CDC73: variants seen among roughly 807,000 people sequenced by gnomAD.
CDC73 encodes the protein cell division cycle 73.
A neutral mutation model predicts 83.7 loss-of-function variants in CDC73; 21 were observed. The observed-to-expected ratio is 0.25, with a 90% CI of 0.18 to 0.36. CDC73 has a LOEUF of 0.36. CDC73 is among the 10% of genes least tolerant of loss of function. The probability of loss-of-function intolerance (pLI) is 1.00; values close to 1 mark genes in which losing one functional copy is unlikely to be tolerated. For synonymous variants in CDC73, 224 were observed against 212.9 expected (o/e 1.05, Z -0.45); for missense variants, 342 against 653.3 (o/e 0.52, Z 5.19).
chr1:193,206,861 T>C (rs1399239046), intron 11 of CDC73, among the ~76,000 whole-genome samples: 2 of 152,206 alleles, frequency 1.3e-5, no homozygotes, highest in Admixed American at 1.3e-4. Context: ...AATTTAATGT[T>C]TTAAAGTGTT....
chr1:193,158,080 AATTT>A (rs1235469110), intron 10 of CDC73, among the ~76,000 whole-genome samples: 4 of 151,176 alleles, frequency 2.6e-5, no homozygotes, highest in East Asian at 1.9e-4. Context: ...TTGTACTTAT[AATTT>A]ATTATATTTA....
chr1:193,134,698 A>G (rs539227929), intron 3 of CDC73, among the ~76,000 whole-genome samples: 9 of 152,268 alleles, frequency 5.9e-5, no homozygotes, highest in Admixed American at 2.0e-4. Context: ...TGCTCTACTT[A>G]CTGATATGGA....
chr1:193,190,659 T>C (rs894034083), intron 10 of CDC73, among the ~76,000 whole-genome samples: 1 of 152,218 alleles, frequency 6.6e-6, no homozygotes, highest in East Asian at 1.9e-4. Flanking sequence ...AATTTAAGTG[T>C]CTCTTTCAGA....
At chr1:193,180,646 T>C (rs1411218127) in intron 10 of CDC73, 2 of 1,614,120 alleles carry the variant, frequency 1.2e-6, no homozygotes. Flanking sequence ...AGGATAACGC[T>C]CACTTGGGTA....
At chr1:193,203,888 A>G (rs1677134274) in intron 11 of CDC73, 36 bp downstream of exon 11, 1 of 1,577,018 alleles carries the variant, frequency 6.3e-7, no homozygotes, top group Non-Finnish European at 8.7e-7. Flanking sequence ...GTTTTCTTTC[A>G]AAAGATCGTA....
At chr1:193,211,561 G>A (rs886560584) in intron 11 of CDC73, among the ~76,000 whole-genome samples, 15 of 152,220 alleles carry the variant, frequency 9.9e-5, no homozygotes, top group Middle Eastern at 3.4e-3. Context: ...CTTACACTTT[G>A]AGGCCATTCG....
intron 10 of CDC73, among the ~76,000 whole-genome samples, chr1:193,164,126 A>G (rs1676391876): frequency 6.6e-6 from 1 of 152,204 alleles, no homozygotes; most frequent in African/African-American, 2.4e-5. Flanking sequence ...GCAGTATTAC[A>G]TTTACATTTT....
chr1:193,233,119 A>G lies in CDC73; in HGVS notation c.1281A>G (p.Val427=), dbSNP rs2102058424. ...TAISVTVPYR[V]VDQPLKLMPQ... ...TTAGTGTTACAGTACCTTATAGAGTAGTAGACCAGCCCCTTAAACTTATGC... is the reference window on the plus strand; with the variant it reads ...TTAGTGTTACAGTACCTTATAGAGTGGTAGACCAGCCCCTTAAACTTATGC... Residue 427 remains valine, a synonymous_variant, in exon 14 of 17, where the codon GTA becomes GTG. Coordinates refer to ENST00000367435, the MANE Select transcript of CDC73 (RefSeq NM_024529.5). The G allele has an allele frequency of 6.2e-7, 1 of 1,613,560 alleles. No individual in the cohort carries two copies. The highest frequency in any genetic ancestry group is 8.5e-7 in the Non-Finnish European group (1 of 1,179,496).
intron 10 of CDC73, among the ~76,000 whole-genome samples, chr1:193,174,869 G>T (rs1339480837): frequency 6.6e-6 from 1 of 152,064 alleles, no homozygotes; most frequent in East Asian, 1.9e-4. Context: ...GAGAAAACTT[G>T]ATTTGATACT....
intron 15 of CDC73, among the ~76,000 whole-genome samples, chr1:193,239,948 A>G (rs986800132): frequency 2.0e-5 from 3 of 152,150 alleles, no homozygotes; most frequent in East Asian, 1.9e-4. Context: ...TATTTCTTCT[A>G]CCTGTATGTT....
At chr1:193,137,235 AAATATTTTTGC>A (rs1285392215) in intron 5 of CDC73, among the ~76,000 whole-genome samples, 1 of 152,210 alleles carries the variant, frequency 6.6e-6, no homozygotes. Context: ...GCATTTGCCA[AAATATTTTTGC>A]ATTTATTTCA....
chr1:193,183,819 A>G (rs895715655), intron 10 of CDC73, among the ~76,000 whole-genome samples: 4 of 151,912 alleles, frequency 2.6e-5, no homozygotes, highest in Admixed American at 2.6e-4. Context: ...CTGATATGAT[A>G]ATACTTGGAA....
chr1:193,178,381 A>C (rs1004976866), intron 10 of CDC73, among the ~76,000 whole-genome samples: 2 of 152,126 alleles, frequency 1.3e-5, no homozygotes, highest in Admixed American at 6.5e-5. Context: ...TCTGTTTTTC[A>C]TGAGTCATTT....
At chr1:193,212,961 A>G (rs1039641755) in intron 13 of CDC73, among the ~76,000 whole-genome samples, 4 of 152,098 alleles carry the variant, frequency 2.6e-5, no homozygotes. Flanking sequence ...TTTAATGTCT[A>G]TTTTCCTTCC....
chr1:193,180,712 C>G (rs371231651), intron 10 of CDC73: 4 of 1,613,922 alleles, frequency 2.5e-6, no homozygotes, highest in Non-Finnish European at 3.4e-6. Context: ...TGCATATCCT[C>G]GCATTAGGTA....
intron 10 of CDC73, among the ~76,000 whole-genome samples, chr1:193,183,228 A>G (rs1360595115): frequency 6.6e-6 from 1 of 151,712 alleles, no homozygotes; most frequent in Non-Finnish European, 1.5e-5. Context: ...AGCCACTAGG[A>G]GGAGCAAGTA....
chr1:193,187,033 T>A (rs1022285558), intron 10 of CDC73, among the ~76,000 whole-genome samples: 1 of 151,360 alleles, frequency 6.6e-6, no homozygotes, highest in African/African-American at 2.4e-5. Context: ...CAAATTGCTC[T>A]TGATTTTTTA....
Position 193,184,278 on chromosome 1 carries a change from T to G in CDC73, c.973-19517T>G, listed in dbSNP as rs1184111494. Among the ~76,000 whole-genome samples the G allele has an allele frequency of 3.3e-5, 5 of 152,022 alleles. No individual in the cohort carries two copies. In the South Asian group the frequency reaches 1.0e-3, roughly 31 times the overall value. ...TAAAAGATTCTCAGGTCTTATAAAT[T>G]TTTTTGTTAAAAAGAATATAAAATT... On this transcript the variant is annotated intron_variant, in intron 10 of 16. Transcript: ENST00000367435.
At chr1:193,176,097 A>G (rs1226722771) in intron 10 of CDC73, among the ~76,000 whole-genome samples, 1 of 152,198 alleles carries the variant, frequency 6.6e-6, no homozygotes, top group East Asian at 1.9e-4. Flanking sequence ...ATGTTAAGCA[A>G]ATGTGAAACA....
Sources: allele counts gnomAD v4.1 joint callset (sites outside exome capture counted in the v4.1 genomes callset), GRCh38; gene constraint gnomAD v4.1.1; transcripts MANE v1.5; gene names NCBI Gene and HGNC (gene_info 2026-07-23, HGNC 2026-07-21).